CADM2: variants seen among roughly 807,000 people sequenced by gnomAD.
CADM2 encodes cell adhesion molecule 2.
CADM2 carries 12 observed loss-of-function variants against 49.8 expected under a neutral mutation model. That is an observed-to-expected ratio of 0.24 (90% CI 0.15 to 0.39). The LOEUF is 0.39. Ranked by LOEUF, CADM2 falls within the 10% of genes least tolerant of loss-of-function variation. The pLI, the probability that CADM2 is intolerant of heterozygous loss-of-function variation, is 1.00. For missense variants in CADM2, 378 were observed against 492.3 expected (o/e 0.77, Z 2.20); for synonymous variants, 214 against 175.4 (o/e 1.22, Z -1.74).
chr3:85,119,358 A>G (rs553912245), intron 1 of CADM2, among the ~76,000 whole-genome samples: 1 of 152,164 alleles, frequency 6.6e-6, no homozygotes, highest in African/African-American at 2.4e-5. Flanking sequence ...TGTTCTATAT[A>G]TCTGTTTTGG....
Position 86,016,870 on chromosome 3 carries a change from G to C in CADM2, c.971-48735G>C, listed in dbSNP as rs144331083. Among the ~76,000 whole-genome samples the C allele has an allele frequency of 2.8e-3, 426 of 152,020 alleles. 3 individuals carry two copies. The highest frequency in any genetic ancestry group is 9.9e-3 in the African/African-American group (411 of 41,488). On this transcript the variant is annotated intron_variant, in intron 8 of 9. Transcript: ENST00000383699. ...ACAGAAATTACTAAGGATTCAATGA[G>C]GGGTTTAAAACAACTTTAAATTCAA...
chr3:85,541,359 TAAATTGAATTCA>T (rs2061534739), intron 1 of CADM2, among the ~76,000 whole-genome samples: 1 of 151,694 alleles, frequency 6.6e-6, no homozygotes, highest in South Asian at 2.1e-4. Flanking sequence ...ATATTGAATG[TAAATTGAATTCA>T]AAATTGAATG....
At chr3:85,502,298 G>A (rs1212954080) in intron 1 of CADM2, among the ~76,000 whole-genome samples, 1 of 152,032 alleles carries the variant, frequency 6.6e-6, no homozygotes, top group Admixed American at 6.6e-5. Context: ...GTAGATTTCA[G>A]GTCTTGCAAA....
chr3:85,051,135 A>C (rs886776260), intron 1 of CADM2, among the ~76,000 whole-genome samples: 12 of 152,204 alleles, frequency 7.9e-5, no homozygotes, highest in Admixed American at 4.6e-4. Flanking sequence ...CTGCCCTGAC[A>C]TTCAAAAACT....
chr3:85,656,521 C>A (rs1313820194), intron 1 of CADM2, among the ~76,000 whole-genome samples: 1 of 152,072 alleles, frequency 6.6e-6, no homozygotes, highest in East Asian at 1.9e-4. Flanking sequence ...GAGGCTGAGG[C>A]AGGAGAATCA....
chr3:85,466,357 A>G (rs2038490335), intron 1 of CADM2, among the ~76,000 whole-genome samples: 1 of 152,170 alleles, frequency 6.6e-6, no homozygotes, highest in South Asian at 2.1e-4. Flanking sequence ...GTTTTTCCAA[A>G]TTATTTCAAC....
chr3:85,788,750 C>G (rs2071154588), intron 2 of CADM2, among the ~76,000 whole-genome samples: 1 of 151,648 alleles, frequency 6.6e-6, no homozygotes, highest in African/African-American at 2.4e-5. Context: ...CTTCTCAATT[C>G]ATAACTTTCC....
chr3:85,564,067 T>G (rs1034800384), intron 1 of CADM2, among the ~76,000 whole-genome samples: 1 of 152,118 alleles, frequency 6.6e-6, no homozygotes, highest in Non-Finnish European at 1.5e-5. Context: ...CAGGACTGGG[T>G]GTCAGTTGTC....
At chr3:85,304,405 T>A (rs2090906512) in intron 1 of CADM2, among the ~76,000 whole-genome samples, 1 of 151,826 alleles carries the variant, frequency 6.6e-6, no homozygotes, top group Non-Finnish European at 1.5e-5. Context: ...AATGAAACAG[T>A]AAGTCATTTA....
At chr3:85,867,561 A>T (rs973271628) in intron 3 of CADM2, among the ~76,000 whole-genome samples, 1 of 152,132 alleles carries the variant, frequency 6.6e-6, no homozygotes, top group Admixed American at 6.5e-5. Context: ...TAAATATTTT[A>T]AAAAGAATTT....
intron 1 of CADM2, among the ~76,000 whole-genome samples, chr3:85,336,978 T>A (rs62253079): frequency 3.7e-4 from 6 of 16,160 alleles, no homozygotes; most frequent in East Asian, 4.4e-3. Flanking sequence ...AATATATATT[T>A]AATATATATA....
intron 8 of CADM2, among the ~76,000 whole-genome samples, chr3:86,026,488 T>C (rs191712683): frequency 7.2e-5 from 11 of 152,294 alleles, no homozygotes; most frequent in Admixed American, 7.2e-4. Context: ...GAAAGCACTA[T>C]AGAAATTAAG....
chr3:85,948,112 T>C (rs1722962103), intron 7 of CADM2, among the ~76,000 whole-genome samples: 1 of 151,548 alleles, frequency 6.6e-6, no homozygotes, highest in Admixed American at 6.6e-5. Flanking sequence ...CATTAATTTT[T>C]GAGATTACAT....
At chr3:85,447,155 A>G (rs2037508673) in intron 1 of CADM2, among the ~76,000 whole-genome samples, 1 of 151,208 alleles carries the variant, frequency 6.6e-6, no homozygotes, top group Admixed American at 6.6e-5. Context: ...GCCCCAGAGG[A>G]GTACCTCTAT....
intron 1 of CADM2, among the ~76,000 whole-genome samples, chr3:85,397,531 T>C (rs907810999): frequency 6.6e-6 from 1 of 152,114 alleles, no homozygotes; most frequent in Non-Finnish European, 1.5e-5. Flanking sequence ...TATAATACAG[T>C]GGAATATTAT....
intron 2 of CADM2, among the ~76,000 whole-genome samples, chr3:85,788,112 C>A (rs2108019761): frequency 6.6e-6 from 1 of 152,176 alleles, no homozygotes; most frequent in East Asian, 1.9e-4. Context: ...GGGCAAGAAT[C>A]ATTTCTAGCT....
intron 1 of CADM2, among the ~76,000 whole-genome samples, chr3:85,456,052 G>C (rs1576588469): frequency 6.6e-6 from 1 of 152,296 alleles, no homozygotes; most frequent in East Asian, 1.9e-4. Context: ...TCTAACTTTT[G>C]ATCTATACAG....
chr3:85,784,558 CT>C (rs1232896398), intron 2 of CADM2, among the ~76,000 whole-genome samples: 1 of 150,562 alleles, frequency 6.6e-6, no homozygotes, highest in Non-Finnish European at 1.5e-5. Context: ...ATCTATCTAT[CT>C]ATCTATCTAT....
chr3:85,662,186 A>T (rs935348852), intron 1 of CADM2, among the ~76,000 whole-genome samples: 4 of 151,282 alleles, frequency 2.6e-5, no homozygotes, highest in Admixed American at 2.6e-4. Flanking sequence ...TTATTGGTAA[A>T]CAATTACTTT....
Sources: gnomAD v4.1 joint callset for allele counts (sites outside exome capture counted in the v4.1 genomes callset) on GRCh38, gnomAD v4.1.1 for gene constraint, MANE v1.5 for transcripts, NCBI Gene and HGNC (gene_info 2026-07-23, HGNC 2026-07-21) for gene names.